The following TSPAN18 variants were observed in gnomAD, a reference collection of about 807,000 sequenced individuals.
TSPAN18 encodes tetraspanin-18.
In TSPAN18, 14 loss-of-function variants were observed where a neutral mutation model predicts 27.3. The observed-to-expected ratio is 0.51, with a 90% CI of 0.34 to 0.80. The LOEUF is 0.80. Among genes scored for constraint, TSPAN18 ranks in the 30% least tolerant of loss-of-function variants. The probability of loss-of-function intolerance (pLI) is 0.01; values close to 1 mark genes in which losing one functional copy is unlikely to be tolerated. For missense variants in TSPAN18, 268 were observed against 323.9 expected (o/e 0.83, Z 1.32); for synonymous variants, 143 against 136.5 (o/e 1.05, Z -0.33).
chr11:44,761,924 G>T (rs562318106), intron 1 of TSPAN18, among the ~76,000 whole-genome samples: 1 of 152,318 alleles, frequency 6.6e-6, no homozygotes, highest in East Asian at 1.9e-4. Context: ...CCTTTGTCCA[G>T]GGCCCTTGGC....
intron 5 of TSPAN18, among the ~76,000 whole-genome samples, chr11:44,912,146 C>G (rs1372828447): frequency 1.3e-5 from 2 of 151,906 alleles, no homozygotes; most frequent in Admixed American, 6.6e-5. Flanking sequence ...CTCAGCCCCC[C>G]GAGTAGCTGG....
Position 44,761,665 on chromosome 11 carries a change from G to A in TSPAN18, c.-239-2761G>A, listed in dbSNP as rs114618972. On this transcript the variant is annotated intron_variant, in intron 1 of 9. Transcript: ENST00000520358. Reference sequence around the variant, plus strand: ...CGCTGCCCACACCTCTTGACATGCAGCCCGCAGCTCCTTCCCGGCATGGCT... The same window carrying A: ...CGCTGCCCACACCTCTTGACATGCAACCCGCAGCTCCTTCCCGGCATGGCT... Among the ~76,000 whole-genome samples, 691 of 152,276 alleles carry A rather than the reference G, an allele frequency of 4.5e-3. 3 individuals are homozygous for A. The highest frequency in any genetic ancestry group is 0.016 in the African/African-American group (645 of 41,556).
intron 3 of TSPAN18, among the ~76,000 whole-genome samples, chr11:44,905,164 C>T (rs1355535472): frequency 6.6e-6 from 1 of 152,130 alleles, no homozygotes; most frequent in African/African-American, 2.4e-5. Context: ...ATAAGCCTCC[C>T]AGAAACCCTT....
intron 2 of TSPAN18, among the ~76,000 whole-genome samples, chr11:44,822,834 C>T (rs193076434): frequency 1.1e-4 from 17 of 152,246 alleles, no homozygotes; most frequent in Middle Eastern, 3.4e-3. Context: ...TCACTTTCTC[C>T]AATTGTATAA....
chr11:44,872,794 AAGTTAATAGCACAC>A (rs1337231275), intron 3 of TSPAN18, among the ~76,000 whole-genome samples: 5 of 152,208 alleles, frequency 3.3e-5, no homozygotes, highest in African/African-American at 1.2e-4. Flanking sequence ...AGTGCCTAGT[AAGTTAATAGCACAC>A]AGTTAAATAA....
At chr11:44,762,636 T>TG (rs2134888687) in intron 1 of TSPAN18, among the ~76,000 whole-genome samples, 1 of 152,200 alleles carries the variant, frequency 6.6e-6, no homozygotes, top group South Asian at 2.1e-4. Flanking sequence ...TGTGTGTGTG[T>TG]TTGTGTGTGT....
rs1860505113 is a variant in TSPAN18, at chr11:44,929,990, C to T, written c.*812C>T. On this transcript the variant is annotated 3_prime_UTR_variant, in exon 10 of 10. Coordinates refer to ENST00000520358, the MANE Select transcript of TSPAN18 (RefSeq NM_130783.5). ...AAGTCAGCCAGGAACTGCCTCCTCC[C>T]TGCTCTACAGCTAAGAAAACACCAT... is the stretch of plus-strand genomic sequence containing the variant. The T allele has an allele frequency of 6.6e-6, 1 of 152,476 alleles. No homozygotes were observed. 9.4% of individuals were successfully genotyped at this position (152,476 alleles called of 1,614,324 possible). A position where few individuals can be genotyped will look rare whatever the true frequency, so the allele number is the denominator to read the frequency against.
At chr11:44,823,724 A>G (rs781138178) in intron 2 of TSPAN18, among the ~76,000 whole-genome samples, 23 of 152,118 alleles carry the variant, frequency 1.5e-4, no homozygotes, top group Non-Finnish European at 2.9e-4. Context: ...ACCTGCCCCT[A>G]TTTGTCTCCT....
chr11:44,859,983 C>T (rs1233483548), intron 2 of TSPAN18, among the ~76,000 whole-genome samples: 1 of 152,196 alleles, frequency 6.6e-6, no homozygotes, highest in Non-Finnish European at 1.5e-5. Context: ...TGCACTCAGA[C>T]ACACAAATTA....
intron 4 of TSPAN18, among the ~76,000 whole-genome samples, chr11:44,907,421 G>A (rs980608357): frequency 2.0e-5 from 3 of 152,152 alleles, no homozygotes; most frequent in African/African-American, 7.2e-5. Context: ...AGGACTGACC[G>A]TCTGTCTCTC....
In TSPAN18 at chr11:44,919,820, G is replaced by T; in HGVS notation, c.436G>T (p.Gly146Cys). 6.2e-7 allele frequency: 1 copy of T among 1,614,008 alleles called. No individual in the cohort carries two copies. The highest frequency in any genetic ancestry group is 8.5e-7 in the Non-Finnish European group (1 of 1,179,956). Residue 146 changes from glycine (G) to cysteine (C), a missense_variant, in exon 8 of 10, where the codon GGT becomes TGT. By Grantham distance (159) the Gly-to-Cys change is radical. Transcript: ENST00000520358. Reference protein sequence around the residue: ...ATWNSVMITFGCCGVNGPEDF... With the variant: ...ATWNSVMITFCCCGVNGPEDF... The stretch of plus-strand genomic sequence containing the variant: ...CTTCTCTGGGATCTCCCCCTAGTTT[G>T]GTTGCTGCGGGGTCAACGGGCCTGA...
intron 2 of TSPAN18, among the ~76,000 whole-genome samples, chr11:44,811,460 ATTT>A (rs11326558): frequency 1.1e-4 from 15 of 132,672 alleles, no homozygotes; most frequent in African/African-American, 1.4e-4. Context: ...ACATTTTAGG[ATTT>A]TTTTTTTTTT....
In TSPAN18 at chr11:44,863,238, G is replaced by A. The variant is rs539703797; in HGVS notation, c.-11+2769G>A. ...TTTCGGACGTTAGAAAGGACATTCG[G>A]GAGGAAGACACAGTGAGAGCAAAGG... On this transcript the variant is annotated intron_variant, in intron 3 of 9. Transcript: ENST00000520358. Among the ~76,000 whole-genome samples, 5 of 152,348 alleles carry A rather than the reference G, an allele frequency of 3.3e-5. No homozygotes were observed. The East Asian group carries it at 9.7e-4, about 29-fold the overall frequency.
chr11:44,756,981 T>A (rs1855347439), intron 1 of TSPAN18, among the ~76,000 whole-genome samples: 1 of 152,250 alleles, frequency 6.6e-6, no homozygotes, highest in African/African-American at 2.4e-5. Flanking sequence ...CGATGTTTGC[T>A]GTTTGCTGTG....
At chr11:44,873,841 G>A (rs1858257719) in intron 3 of TSPAN18, among the ~76,000 whole-genome samples, 1 of 152,206 alleles carries the variant, frequency 6.6e-6, no homozygotes, top group South Asian at 2.1e-4. Context: ...AGAGGGAGCT[G>A]TTATCTGTGA....
chr11:44,925,379 G>A (rs546942624), intron 8 of TSPAN18, among the ~76,000 whole-genome samples: 1 of 152,226 alleles, frequency 6.6e-6, no homozygotes, highest in East Asian at 1.9e-4. Flanking sequence ...GTGCCGGTGG[G>A]GTCTGTTTCT....
intron 3 of TSPAN18, among the ~76,000 whole-genome samples, chr11:44,877,437 G>C (rs1393792953): frequency 6.6e-6 from 1 of 152,134 alleles, no homozygotes; most frequent in Non-Finnish European, 1.5e-5. Flanking sequence ...TCCATTCCTT[G>C]GGCTCCTGGC....
chr11:44,804,657 G>T (rs1214614665), intron 2 of TSPAN18, among the ~76,000 whole-genome samples: 2 of 152,180 alleles, frequency 1.3e-5, no homozygotes, highest in Non-Finnish European at 2.9e-5. Flanking sequence ...GCAAGCTGAG[G>T]TTTTCAGAGC....
At chr11:44,875,245 A>T (rs144032202) in intron 3 of TSPAN18, among the ~76,000 whole-genome samples, 1 of 152,150 alleles carries the variant, frequency 6.6e-6, no homozygotes, top group Non-Finnish European at 1.5e-5. Context: ...GGTGTCCCCA[A>T]CCAGACCTCT....
Sources: gnomAD v4.1 joint callset for allele counts (sites outside exome capture counted in the v4.1 genomes callset) on GRCh38, gnomAD v4.1.1 for gene constraint, MANE v1.5 for transcripts, NCBI Gene and HGNC (gene_info 2026-07-23, HGNC 2026-07-21) for gene names.